Variants in ABTB2 observed in about 807,000 individuals in gnomAD.
ABTB2 encodes the protein ankyrin repeat and BTB/POZ domain-containing protein 2.
In ABTB2, 56 loss-of-function variants were observed where a neutral mutation model predicts 104.1. That is an observed-to-expected ratio of 0.54 (90% CI 0.43 to 0.67). The LOEUF is 0.67. Among genes scored for constraint, ABTB2 ranks in the 30% least tolerant of loss-of-function variants. The pLI is 0.00. For missense variants in ABTB2, 1,279 were observed against 1,407.7 expected (o/e 0.91, Z 1.46); for synonymous variants, 606 against 608.2 (o/e 1.00, Z 0.05).
chr11:34,184,872 A>T (rs1853077259), intron 3 of ABTB2, among the ~76,000 whole-genome samples: 1 of 152,232 alleles, frequency 6.6e-6, no homozygotes, highest in Non-Finnish European at 1.5e-5. Flanking sequence ...GTGGTGGCTC[A>T]CCAGAGACCA....
chr11:34,312,170 A>G (rs938953673), intron 1 of ABTB2, among the ~76,000 whole-genome samples: 1 of 151,968 alleles, frequency 6.6e-6, no homozygotes, highest in Non-Finnish European at 1.5e-5. Context: ...AAGAAAAAGA[A>G]AAAGAGAAAG....
chr11:34,286,857 A>G (rs988973884), intron 1 of ABTB2, among the ~76,000 whole-genome samples: 1 of 152,214 alleles, frequency 6.6e-6, no homozygotes, highest in Non-Finnish European at 1.5e-5. Flanking sequence ...AAAAGCTTAT[A>G]TACTGCATGA....
chr11:34,188,239 A>G (rs1298855977), intron 3 of ABTB2, among the ~76,000 whole-genome samples: 1 of 152,194 alleles, frequency 6.6e-6, no homozygotes, highest in Non-Finnish European at 1.5e-5. Flanking sequence ...CCCAACCATT[A>G]GGTTCTACCA....
chr11:34,244,487 G>A (rs1170375574), intron 1 of ABTB2, among the ~76,000 whole-genome samples: 1 of 152,154 alleles, frequency 6.6e-6, no homozygotes, highest in Non-Finnish European at 1.5e-5. Flanking sequence ...AGAAAAACAG[G>A]GATATCTCAT....
At chr11:34,201,848 G>C (rs780613879) in intron 2 of ABTB2, among the ~76,000 whole-genome samples, 3 of 152,226 alleles carry the variant, frequency 2.0e-5, no homozygotes, top group Admixed American at 6.5e-5. Flanking sequence ...GCCCTGAGGA[G>C]TGGCTGGGCC....
chr11:34,340,324 G>T (rs948883838), intron 1 of ABTB2, among the ~76,000 whole-genome samples: 4 of 152,208 alleles, frequency 2.6e-5, no homozygotes, highest in African/African-American at 9.7e-5. Context: ...CATACCTGGT[G>T]GCTGCTACCT....
At chr11:34,325,506 T>C (rs943537374) in intron 1 of ABTB2, among the ~76,000 whole-genome samples, 1 of 152,236 alleles carries the variant, frequency 6.6e-6, no homozygotes. Context: ...CATAGCATTA[T>C]TGAAATAGCA....
intron 1 of ABTB2, among the ~76,000 whole-genome samples, chr11:34,343,101 C>T (rs1429920681): frequency 6.6e-6 from 1 of 152,120 alleles, no homozygotes; most frequent in East Asian, 1.9e-4. Flanking sequence ...TCCCGAGTAG[C>T]TGGGATTACA....
At chr11:34,170,857 T>C in intron 5 of ABTB2, 49 bp downstream of exon 5, 1 of 1,590,232 alleles carries the variant, frequency 6.3e-7, no homozygotes, top group Non-Finnish European at 8.6e-7. Flanking sequence ...AGCTGAGAAT[T>C]CCCAACTCTG....
chr11:34,244,408 T>C (rs1853957450), intron 1 of ABTB2, among the ~76,000 whole-genome samples: 1 of 152,182 alleles, frequency 6.6e-6, no homozygotes, highest in Non-Finnish European at 1.5e-5. Flanking sequence ...ACCCTGCACA[T>C]TTTTAGCATG....
chr11:34,204,344 C>A (rs973588870), intron 2 of ABTB2, among the ~76,000 whole-genome samples, 200 bp downstream of exon 2: 1 of 152,156 alleles, frequency 6.6e-6, no homozygotes, highest in African/African-American at 2.4e-5. Context: ...TTTGTTTTTT[C>A]AAGAGAAACC....
At chr11:34,316,723 A>G (rs76961895) in intron 1 of ABTB2, among the ~76,000 whole-genome samples, 3,016 of 152,364 alleles carry the variant, frequency 0.02, 45 homozygotes, top group Non-Finnish European at 0.032. Context: ...GAATGTGATA[A>G]AAACCGCACC....
intron 3 of ABTB2, among the ~76,000 whole-genome samples, chr11:34,192,475 T>A (rs1489884520): frequency 6.6e-6 from 1 of 152,224 alleles, no homozygotes; most frequent in Non-Finnish European, 1.5e-5. Context: ...TACGAAGTCA[T>A]GACACCAGAG....
chr11:34,324,139 G>C (rs1019772221), intron 1 of ABTB2, among the ~76,000 whole-genome samples: 4 of 152,048 alleles, frequency 2.6e-5, no homozygotes, highest in African/African-American at 9.7e-5. Flanking sequence ...TTGAACTCCT[G>C]ACCTCAAGTG....
intron 1 of ABTB2, among the ~76,000 whole-genome samples, chr11:34,277,097 T>C (rs1020951789): frequency 6.6e-6 from 1 of 152,166 alleles, no homozygotes; most frequent in African/African-American, 2.4e-5. Flanking sequence ...AAACAGGGTT[T>C]CACCATGTTG....
intron 14 of ABTB2, among the ~76,000 whole-genome samples, chr11:34,157,474 A>G (rs1191477174): frequency 2.0e-5 from 3 of 152,188 alleles, no homozygotes; most frequent in African/African-American, 4.8e-5. Context: ...GTCCCCTTAC[A>G]GGCAGTGGTC....
Position 34,167,874 on chromosome 11 carries a change from C to G in ABTB2, c.1653+29G>C, listed in dbSNP as rs1410360662. On this transcript the variant is annotated intron_variant, in intron 6 of 16. Coordinates refer to ENST00000435224, the MANE Select transcript of ABTB2 (RefSeq NM_145804.3). The stretch of plus-strand genomic sequence containing the variant: ...GGAGTGATCCCTGCTGGCCTAGGGC[C>G]TGGGTGCAGCTCTGTGGGGCTTCCT... 3 of 1,611,774 alleles carry G rather than the reference C, an allele frequency of 1.9e-6. No homozygotes were observed. In the Admixed American group the frequency reaches 5.0e-5, roughly 27 times the overall value.
intron 1 of ABTB2, among the ~76,000 whole-genome samples, chr11:34,278,993 C>T (rs868417976): frequency 6.6e-6 from 1 of 152,154 alleles, no homozygotes; most frequent in Non-Finnish European, 1.5e-5. Context: ...CTGATAATGG[C>T]CTGCAAAAAG....
chr11:34,172,629 C>A (rs914486135), intron 4 of ABTB2, among the ~76,000 whole-genome samples: 1 of 151,902 alleles, frequency 6.6e-6, no homozygotes, highest in African/African-American at 2.4e-5. Context: ...AATCTGGGCA[C>A]GGTAAAGTGC....
Sources: gnomAD v4.1 joint callset for allele counts (sites outside exome capture counted in the v4.1 genomes callset) on GRCh38, gnomAD v4.1.1 for gene constraint, MANE v1.5 for transcripts, NCBI Gene and HGNC (gene_info 2026-07-23, HGNC 2026-07-21) for gene names.